The following LCORL variants were observed in gnomAD, a reference collection of about 807,000 sequenced individuals.
LCORL encodes ligand dependent nuclear receptor corepressor like.
A neutral mutation model predicts 141.8 loss-of-function variants in LCORL; 41 were observed. The ratio of observed to expected loss-of-function variants is 0.29; its 90% CI spans 0.23 to 0.38. The LOEUF (loss-of-function observed/expected upper bound fraction) is 0.38, where lower values mean the gene tolerates loss of function less well. Ranked by LOEUF, LCORL falls within the 10% of genes least tolerant of loss-of-function variation. LCORL has a pLI of 1.00. For missense variants in LCORL, 1,759 were observed against 2,035.0 expected, an observed-to-expected ratio of 0.86 and a Z score of 2.61; for synonymous variants, 618 against 694.1, an observed-to-expected ratio of 0.89 and a Z score of 1.72.
chr4:17,857,574 G>A (rs1052177707), intron 7 of LCORL, among the ~76,000 whole-genome samples: 8 of 152,116 alleles, frequency 5.3e-5, no homozygotes, highest in Middle Eastern at 3.4e-3. Context: ...TGTTTTGGGG[G>A]GCTGTGCTAG....
rs75471259 is a variant in LCORL, at chr4:18,018,925, G to T, written c.154+2673C>A. Among the ~76,000 whole-genome samples the T allele has an allele frequency of 2.2e-4, 34 of 152,078 alleles. No homozygotes were observed. In the East Asian group the frequency reaches 5.4e-3, roughly 24 times the overall value. Reference sequence around the variant, plus strand: ...TTCACACATGTATACACATGCAAAGGGAAAATAATATGGCTTTTTTATAAA... The same window carrying T: ...TTCACACATGTATACACATGCAAAGTGAAAATAATATGGCTTTTTTATAAA... On this transcript the variant is annotated intron_variant, in intron 1 of 7. Coordinates refer to ENST00000635767, the Ensembl canonical transcript of LCORL.
chr4:17,858,347 G>A (rs1415060037), intron 7 of LCORL, among the ~76,000 whole-genome samples: 1 of 151,860 alleles, frequency 6.6e-6, no homozygotes, highest in Non-Finnish European at 1.5e-5. Flanking sequence ...AAACAAAAGT[G>A]AATCGCGTAT....
chr4:17,922,214 T>C (rs748868480), intron 4 of LCORL, among the ~76,000 whole-genome samples: 9 of 152,338 alleles, frequency 5.9e-5, no homozygotes, highest in South Asian at 4.1e-4. Context: ...TCTAGAGGAA[T>C]AGAACTTTAA....
Position 17,982,588 on chromosome 4 carries a change from T to C in LCORL, c.155-9703A>G, listed in dbSNP as rs542004363. ...TGCACACCTTCTTTTGAAAAGTGTC[T>C]GTTCATGTCCTTTGCCCGCTTTTTA... On this transcript the variant is annotated intron_variant, in intron 1 of 7. Transcript: ENST00000635767. 5.3e-5 allele frequency among the ~76,000 whole-genome samples: 8 copies of C among 152,330 alleles called. No individual in the cohort carries two copies. The East Asian group carries it at 9.7e-4, about 18-fold the overall frequency.
chr4:18,013,627 G>A (rs182556252), intron 1 of LCORL, among the ~76,000 whole-genome samples: 1 of 152,268 alleles, frequency 6.6e-6, no homozygotes, highest in African/African-American at 2.4e-5. Context: ...TACCACTTGT[G>A]AGGACTTATT....
At chr4:17,939,460 A>C (rs535556765) in intron 4 of LCORL, among the ~76,000 whole-genome samples, 5 of 152,286 alleles carry the variant, frequency 3.3e-5, no homozygotes, top group African/African-American at 1.2e-4. Flanking sequence ...AATTCTACTC[A>C]TAGGTATTTT....
chr4:17,881,588 A>G, intron 6 of LCORL: 1 of 980,402 alleles, frequency 1.0e-6, no homozygotes, highest in Non-Finnish European at 1.2e-6. Flanking sequence ...TAGCAAAATG[A>G]TCCCTGATTT....
chr4:17,860,566 G>A (rs936755178), intron 7 of LCORL, among the ~76,000 whole-genome samples: 1 of 152,100 alleles, frequency 6.6e-6, no homozygotes, highest in South Asian at 2.1e-4. Flanking sequence ...ATATCATTTT[G>A]CTCCTGGTCC....
chr4:17,956,864 T>G (rs771024084), intron 4 of LCORL, among the ~76,000 whole-genome samples: 24 of 152,120 alleles, frequency 1.6e-4, no homozygotes, highest in South Asian at 2.1e-4. Flanking sequence ...TATTACACAT[T>G]GTATACATGT....
At chr4:17,944,290 G>C (rs1359686755) in intron 4 of LCORL, among the ~76,000 whole-genome samples, 1 of 152,000 alleles carries the variant, frequency 6.6e-6, no homozygotes, top group African/African-American at 2.4e-5. Flanking sequence ...CAAATACTAG[G>C]TCTTACTCAT....
chr4:17,867,236 C>T (rs1725784325), intron 7 of LCORL, among the ~76,000 whole-genome samples: 1 of 151,638 alleles, frequency 6.6e-6, no homozygotes, highest in African/African-American at 2.4e-5. Context: ...ATAGGATGAC[C>T]TTAATATATT....
exon 7 of LCORL, chr4:17,877,224 C>G: frequency 8.1e-7 from 1 of 1,230,198 alleles, no homozygotes; most frequent in Non-Finnish European, 1.0e-6. Flanking sequence ...ATCATGTTGA[C>G]TCAATAATTC....
intron 5 of LCORL, among the ~76,000 whole-genome samples, chr4:17,903,504 T>C (rs1218690772): frequency 2.0e-5 from 3 of 152,042 alleles, no homozygotes; most frequent in Admixed American, 6.6e-5. Context: ...ATTTAAAAAA[T>C]ATATACTTGA....
intron 1 of LCORL, among the ~76,000 whole-genome samples, chr4:18,005,453 C>T (rs1300118757): frequency 6.6e-6 from 1 of 152,212 alleles, no homozygotes; most frequent in Non-Finnish European, 1.5e-5. Context: ...CGATGGCCCT[C>T]TTCTCACAGC....
chr4:17,891,765 C>A (rs1387150914), intron 5 of LCORL, among the ~76,000 whole-genome samples: 4 of 151,924 alleles, frequency 2.6e-5, no homozygotes, highest in Admixed American at 2.6e-4. Flanking sequence ...AAAACAAGAA[C>A]CCCCAAATAA....
chr4:17,926,505 C>G (rs1052690406), intron 4 of LCORL, among the ~76,000 whole-genome samples: 7 of 152,218 alleles, frequency 4.6e-5, no homozygotes, highest in African/African-American at 9.6e-5. Flanking sequence ...GACAGGGGCT[C>G]TCAGGCCTCT....
chr4:17,860,566 G>T (rs936755178), intron 7 of LCORL, among the ~76,000 whole-genome samples: 5 of 152,100 alleles, frequency 3.3e-5, no homozygotes, highest in Non-Finnish European at 7.4e-5. Context: ...ATATCATTTT[G>T]CTCCTGGTCC....
exon 7 of LCORL, chr4:17,874,065 C>T: frequency 8.1e-7 from 1 of 1,233,846 alleles, no homozygotes; most frequent in Non-Finnish European, 1.0e-6. Flanking sequence ...ATTTGTTTCT[C>T]CCTCAGTCTT....
chr4:17,863,213 G>A (rs1725210773), intron 7 of LCORL, among the ~76,000 whole-genome samples: 1 of 152,204 alleles, frequency 6.6e-6, no homozygotes, highest in Admixed American at 6.5e-5. Context: ...CTACTTGGGA[G>A]ACTGAGGCAG....
Sources: allele counts gnomAD v4.1 joint callset (sites outside exome capture counted in the v4.1 genomes callset), GRCh38; gene constraint gnomAD v4.1.1; transcripts MANE v1.5; gene names NCBI Gene and HGNC (gene_info 2026-07-23, HGNC 2026-07-21).